Variants in POLR1A observed in about 807,000 individuals in gnomAD.
POLR1A encodes RNA polymerase I subunit A.
In POLR1A, 84 loss-of-function variants were observed where a neutral mutation model predicts 205.3. That is an observed-to-expected ratio of 0.41 (90% CI 0.34 to 0.49). POLR1A has a LOEUF of 0.49. POLR1A is among the 20% of genes least tolerant of loss of function. The pLI is 0.22. For synonymous variants in POLR1A, 799 were observed against 863.7 expected (o/e 0.93, Z 1.31); for missense variants, 1,645 against 2,204.5 (o/e 0.75, Z 5.08).
intron 31 of POLR1A, 54 bp downstream of exon 31, chr2:86,030,142 A>T: frequency 1.4e-6 from 2 of 1,462,384 alleles, no homozygotes; most frequent in South Asian, 2.3e-5. Context: ...GTCTTGAGAC[A>T]ACGTGGGGTG....
In POLR1A at chr2:86,083,169, C is replaced by G; in HGVS notation, c.731-1G>C. 2 of 1,610,828 alleles carry G rather than the reference C, an allele frequency of 1.2e-6. No homozygotes were observed. The highest frequency in any genetic ancestry group is 1.7e-6 in the Non-Finnish European group (2 of 1,177,056). The stretch of plus-strand genomic sequence containing the variant: ...TTTCCTATCTGAGCTTCCTCAATTC[C>G]TGGAGCCAAGGAGGAGAATCAAAGT... On this transcript the variant is annotated splice_acceptor_variant, in intron 6 of 33. Coordinates refer to ENST00000263857, the MANE Select transcript of POLR1A (RefSeq NM_015425.6). LOFTEE classifies it high-confidence loss of function.
chr2:86,078,158 C>A lies in POLR1A; in HGVS notation c.1213G>T (p.Glu405Ter). 1 of 1,612,810 alleles carries A rather than the reference C, an allele frequency of 6.2e-7. No homozygotes were observed. Among genetic ancestry groups the A allele is most frequent in the South Asian group, 1.1e-5 (1 of 90,524 alleles). ...TTGTCCATCATTAGTTTGTCCATCT[C>A]GCTATCAAACACAATATTGACGTGG... is the stretch of plus-strand genomic sequence containing the variant. ...QSHVNIVFDSEMDKLMMDKYP... is the reference protein window; with the variant it reads ...QSHVNIVFDS Residue 405 changes from glutamate to a stop codon, truncating the protein, a stop_gained, in exon 10 of 34, where the codon GAG becomes TAG. Coordinates refer to ENST00000263857, the MANE Select transcript of POLR1A (RefSeq NM_015425.6). LOFTEE classifies it high-confidence loss of function.
intron 28 of POLR1A, among the ~76,000 whole-genome samples, chr2:86,032,662 GCCAGGA>G (rs920185102): frequency 3.9e-5 from 6 of 152,112 alleles, no homozygotes; most frequent in Non-Finnish European, 5.9e-5. Flanking sequence ...AAAAAAAAGT[GCCAGGA>G]CTTGCTTTCT....
chr2:86,049,515 C>T (rs186281735), intron 16 of POLR1A, among the ~76,000 whole-genome samples: 5 of 152,188 alleles, frequency 3.3e-5, no homozygotes, highest in African/African-American at 9.7e-5. Flanking sequence ...AAAGTAAACC[C>T]AGGCCTGGGT....
At chr2:86,041,741 C>A (rs1276496288) in intron 24 of POLR1A, 148 bp downstream of exon 24, 24 of 678,168 alleles carry the variant, frequency 3.5e-5, no homozygotes, top group Non-Finnish European at 6.2e-5. Context: ...TTGTGCGTTG[C>A]CCCTGGCTGT....
chr2:86,085,324 T>G lies in POLR1A; in HGVS notation c.731-2156A>C, dbSNP rs145019453. Among the ~76,000 whole-genome samples the G allele has an allele frequency of 2.6e-3, 399 of 152,312 alleles. 3 individuals are homozygous for G. Among genetic ancestry groups the G allele is most frequent in the African/African-American group, 9.1e-3 (377 of 41,560 alleles). ...ATTCTAATTCCTTAGGATAAAGTCA[T>G]CAAAGCAGAACTGCTAAGTCAAGGA... On this transcript the variant is annotated intron_variant, in intron 6 of 33. Coordinates refer to ENST00000263857, the MANE Select transcript of POLR1A (RefSeq NM_015425.6).
intron 22 of POLR1A, among the ~76,000 whole-genome samples, chr2:86,043,558 A>G (rs1374296280): frequency 6.6e-6 from 1 of 152,192 alleles, no homozygotes; most frequent in East Asian, 1.9e-4. Flanking sequence ...ACTCAGCACC[A>G]GAGCACAACC....
At chr2:86,048,755 C>G in intron 18 of POLR1A, 129 bp downstream of exon 18, 1 of 783,542 alleles carries the variant, frequency 1.3e-6, no homozygotes, top group African/African-American at 1.7e-5. Flanking sequence ...CATCCCACCT[C>G]GCATCTCACC....
At chr2:86,098,825 G>C (rs1046232260) in intron 2 of POLR1A, 65 bp from the exon 3 acceptor site, 2 of 1,507,050 alleles carry the variant, frequency 1.3e-6, no homozygotes, top group Non-Finnish European at 1.8e-6. Context: ...GGTGATTTTC[G>C]GTATACTCAC....
intron 6 of POLR1A, among the ~76,000 whole-genome samples, chr2:86,084,122 C>T (rs1174522501): frequency 2.6e-5 from 4 of 152,106 alleles, no homozygotes; most frequent in Non-Finnish European, 4.4e-5. Flanking sequence ...AAAAATTAGC[C>T]GGGCATGGTG....
Position 86,083,014 on chromosome 2 carries a change from G to A in POLR1A, c.817+68C>T. 3 of 1,145,168 alleles carry A rather than the reference G, an allele frequency of 2.6e-6. 1 individual carries two copies. The South Asian group carries it at 3.7e-5, about 14-fold the overall frequency. 70.9% of individuals were successfully genotyped at this position (1,145,168 alleles called of 1,614,324 possible). A position where few individuals can be genotyped will look rare whatever the true frequency, so the allele number is the denominator to read the frequency against. On this transcript the variant is annotated intron_variant, in intron 7 of 33. Transcript: ENST00000263857. ...ACAACTTAAAAGAAGTAATAAGGCAGGGTTAATGAGTCCAGGAAATAAAAG... is the reference window on the plus strand; with the variant it reads ...ACAACTTAAAAGAAGTAATAAGGCAAGGTTAATGAGTCCAGGAAATAAAAG...
At chr2:86,045,420 G>A in intron 20 of POLR1A, 60 bp from the exon 21 acceptor site, 1 of 1,394,110 alleles carries the variant, frequency 7.2e-7, no homozygotes, top group Non-Finnish European at 1.0e-6. Flanking sequence ...CTTCCTGAAG[G>A]GCTCAGGCCA....
chr2:86,083,356 T>C (rs1172254235), intron 6 of POLR1A, among the ~76,000 whole-genome samples, 188 bp from the exon 7 acceptor site: 1 of 150,280 alleles, frequency 6.7e-6, no homozygotes, highest in Admixed American at 6.6e-5. Context: ...AAAAACCATA[T>C]GGCTATTGTA....
At chr2:86,077,558 C>T (rs1029177206) in intron 11 of POLR1A, among the ~76,000 whole-genome samples, 11 of 152,254 alleles carry the variant, frequency 7.2e-5, no homozygotes, top group Middle Eastern at 3.4e-3. Flanking sequence ...GAAGCTATGC[C>T]GGCGGGGATG....
intron 31 of POLR1A, among the ~76,000 whole-genome samples, chr2:86,029,065 G>A (rs1434594354): frequency 2.6e-5 from 4 of 152,222 alleles, no homozygotes; most frequent in African/African-American, 7.2e-5. Context: ...AGTTCCCCTA[G>A]CAGCGACACA....
intron 11 of POLR1A, 111 bp downstream of exon 11, chr2:86,077,748 C>T: frequency 7.8e-7 from 1 of 1,281,366 alleles, no homozygotes; most frequent in Non-Finnish European, 1.1e-6. Context: ...ATCCTGTCCC[C>T]AGTCCTCTGC....
At chr2:86,045,928 C>A (rs1672702419) in intron 19 of POLR1A, among the ~76,000 whole-genome samples, 159 bp from the exon 20 acceptor site, 1 of 151,982 alleles carries the variant, frequency 6.6e-6, no homozygotes, top group African/African-American at 2.4e-5. Context: ...AGGAAGCCTT[C>A]ATTTTAAGAA....
rs1339080191 is a variant in POLR1A at position 86,020,718 on chromosome 2, G to A, written c.*6705C>T. On this transcript the variant is annotated 3_prime_UTR_variant, in exon 34 of 34. Coordinates refer to ENST00000263857, the MANE Select transcript of POLR1A (RefSeq NM_015425.6). ...ATTTGGGGCTGGACAATTCTTTGCT[G>A]TGGAGACTGTCCTGTGGACTGTAGT... is the stretch of plus-strand genomic sequence containing the variant. 2 of 152,202 alleles carry A rather than the reference G, an allele frequency of 1.3e-5. No homozygotes were observed. The highest frequency in any genetic ancestry group is 4.8e-5 in the African/African-American group (2 of 41,442). 9.4% of individuals were successfully genotyped at this position (152,202 alleles called of 1,614,324 possible).
chr2:86,032,598 G>C (rs532624839), intron 28 of POLR1A, among the ~76,000 whole-genome samples: 1 of 151,740 alleles, frequency 6.6e-6, no homozygotes, highest in African/African-American at 2.4e-5. Context: ...CTTCCCTTCA[G>C]TCTTCATCTT....
Sources: allele counts gnomAD v4.1 joint callset (sites outside exome capture counted in the v4.1 genomes callset), GRCh38; gene constraint gnomAD v4.1.1; transcripts MANE v1.5; gene names NCBI Gene and HGNC (gene_info 2026-07-23, HGNC 2026-07-21).